Variants in TRPM3 observed in about 807,000 individuals in gnomAD.
The protein encoded by TRPM3 is transient receptor potential cation channel subfamily M member 3.
TRPM3 carries 77 observed loss-of-function variants against 181.2 expected under a neutral mutation model. The ratio of observed to expected loss-of-function variants is 0.42; its 90% confidence interval spans 0.35 to 0.51. The LOEUF (loss-of-function observed/expected upper bound fraction) is 0.51. Among genes scored for constraint, TRPM3 ranks in the 20% least tolerant of loss-of-function variants. The pLI is 0.01. For missense variants in TRPM3, 1,759 were observed against 2,196.7 expected (o/e 0.80, Z 3.98); for synonymous variants, 745 against 796.4 (o/e 0.94, Z 1.09).
chr9:70,822,546 G>C (rs1403283090), intron 6 of TRPM3, among the ~76,000 whole-genome samples: 1 of 152,038 alleles, frequency 6.6e-6, no homozygotes, highest in Admixed American at 6.6e-5. Flanking sequence ...TTGGGGGAGG[G>C]GGTAATGTGT....
chr9:71,166,795 A>G (rs1182700814), intron 1 of TRPM3, among the ~76,000 whole-genome samples: 1 of 152,242 alleles, frequency 6.6e-6, no homozygotes, highest in Non-Finnish European at 1.5e-5. Flanking sequence ...ATTACGTAAA[A>G]GTAAATTTAG....
At chr9:70,748,633 C>T (rs1312988223) in intron 8 of TRPM3, among the ~76,000 whole-genome samples, 1 of 152,108 alleles carries the variant, frequency 6.6e-6, no homozygotes, top group Non-Finnish European at 1.5e-5. Flanking sequence ...CCTGAGGAAG[C>T]TTGCTTGCCC....
intron 1 of TRPM3, among the ~76,000 whole-genome samples, chr9:71,096,089 G>T (rs2067140483): frequency 6.6e-6 from 1 of 151,884 alleles, no homozygotes; most frequent in African/African-American, 2.4e-5. Context: ...AGTTTTTCTT[G>T]TTTCTGGAGG....
chr9:71,415,744 T>C (rs183952785), intron 1 of TRPM3, among the ~76,000 whole-genome samples: 8 of 152,142 alleles, frequency 5.3e-5, no homozygotes, highest in African/African-American at 1.9e-4. Flanking sequence ...GCCCCCTGGA[T>C]GAGCATTTAA....
At chr9:70,853,520 T>C (rs535702297) in intron 3 of TRPM3, among the ~76,000 whole-genome samples, 16 of 152,342 alleles carry the variant, frequency 1.1e-4, no homozygotes, top group African/African-American at 3.4e-4. Flanking sequence ...GAGCGCTCAG[T>C]ATTTTACATG....
At chr9:71,329,605 CTG>C (rs2089968338) in intron 1 of TRPM3, among the ~76,000 whole-genome samples, 1 of 152,170 alleles carries the variant, frequency 6.6e-6, no homozygotes, top group South Asian at 2.1e-4. Flanking sequence ...TTGAAAACCA[CTG>C]TCATGAGTAC....
At chr9:71,162,324 C>T (rs1221688849) in intron 1 of TRPM3, among the ~76,000 whole-genome samples, 1 of 151,958 alleles carries the variant, frequency 6.6e-6, no homozygotes, top group Non-Finnish European at 1.5e-5. Flanking sequence ...TTTCTGGTAA[C>T]CTGTAGGTCT....
chr9:71,156,765 A>G (rs2076023863), intron 1 of TRPM3, among the ~76,000 whole-genome samples: 1 of 151,380 alleles, frequency 6.6e-6, no homozygotes, highest in Non-Finnish European at 1.5e-5. Flanking sequence ...ACATAACAGG[A>G]AAAATATTAC....
chr9:70,692,421 A>G (rs1039125777), intron 8 of TRPM3, among the ~76,000 whole-genome samples: 3 of 152,202 alleles, frequency 2.0e-5, no homozygotes, highest in African/African-American at 7.2e-5. Context: ...ATTGCCTCGT[A>G]GCTAGAAATG....
At chr9:71,108,849 T>C (rs776439387) in intron 1 of TRPM3, among the ~76,000 whole-genome samples, 44 of 152,216 alleles carry the variant, frequency 2.9e-4, no homozygotes, top group Non-Finnish European at 5.1e-4. Context: ...ATAGTTAATG[T>C]TATATGTCAA....
chr9:70,827,413 T>C (rs1339498652), intron 6 of TRPM3: 1 of 152,810 alleles, frequency 6.5e-6, no homozygotes, highest in Non-Finnish European at 1.5e-5. Flanking sequence ...GCTTAGAGAG[T>C]GAATGTTCAA....
chr9:71,058,250 C>G (rs769725399), intron 1 of TRPM3, among the ~76,000 whole-genome samples: 1 of 152,040 alleles, frequency 6.6e-6, no homozygotes, highest in Non-Finnish European at 1.5e-5. Flanking sequence ...AGGTTGCATA[C>G]TATAAGCCTG....
chr9:70,601,212 T>C (rs1449701731), intron 20 of TRPM3, among the ~76,000 whole-genome samples: 1 of 151,944 alleles, frequency 6.6e-6, no homozygotes, highest in Non-Finnish European at 1.5e-5. Flanking sequence ...CCTCACAGAG[T>C]TGTCGGCGGG....
intron 3 of TRPM3, among the ~76,000 whole-genome samples, chr9:70,861,697 C>G (rs1351879483): frequency 1.3e-5 from 2 of 152,136 alleles, no homozygotes; most frequent in Middle Eastern, 3.2e-3. Context: ...AAATGCATCT[C>G]TTAAGTGAGT....
At chr9:70,894,992 G>A (rs1290393309) in intron 1 of TRPM3, among the ~76,000 whole-genome samples, 1 of 152,146 alleles carries the variant, frequency 6.6e-6, no homozygotes, top group African/African-American at 2.4e-5. Flanking sequence ...CATGGCTTGG[G>A]AAGATACCTT....
chr9:71,355,375 CAG>C (rs2091853580), intron 1 of TRPM3, among the ~76,000 whole-genome samples: 1 of 152,070 alleles, frequency 6.6e-6, no homozygotes, highest in African/African-American at 2.4e-5. Flanking sequence ...CATGTAAAGA[CAG>C]AGGCAAAAAT....
intron 1 of TRPM3, among the ~76,000 whole-genome samples, chr9:71,016,370 C>T (rs572376957): frequency 6.6e-6 from 1 of 152,056 alleles, no homozygotes; most frequent in African/African-American, 2.4e-5. Flanking sequence ...AATCCATCTC[C>T]AGAACTTTTT....
At chr9:71,433,358 T>C (rs887928070) in intron 1 of TRPM3, among the ~76,000 whole-genome samples, 8 of 152,226 alleles carry the variant, frequency 5.3e-5, no homozygotes, top group Non-Finnish European at 1.0e-4. Flanking sequence ...GATGGTCTTA[T>C]AATGGGCTTT....
At chr9:71,272,424 A>G (rs1328385724) in intron 1 of TRPM3, among the ~76,000 whole-genome samples, 2 of 152,176 alleles carry the variant, frequency 1.3e-5, no homozygotes, top group Non-Finnish European at 2.9e-5. Context: ...AACATGTACT[A>G]ACCGCTTTTC....
Sources: allele counts gnomAD v4.1 joint callset (sites outside exome capture counted in the v4.1 genomes callset), GRCh38; gene constraint gnomAD v4.1.1; transcripts MANE v1.5; gene names NCBI Gene and HGNC (gene_info 2026-07-23, HGNC 2026-07-21).